The following RARB variants were observed in gnomAD, a reference collection of about 807,000 sequenced individuals.
RARB encodes HBV-activated protein.
Under a neutral mutation model 51.9 loss-of-function variants are expected in RARB, and 17 were observed. The observed-to-expected ratio is 0.33, with a 90% CI of 0.22 to 0.49. The LOEUF (loss-of-function observed/expected upper bound fraction) is 0.49, where lower values mean the gene tolerates loss of function less well. RARB is among the 20% of genes least tolerant of loss of function. The pLI is 0.99. For synonymous variants in RARB, 215 were observed against 195.4 expected, an observed-to-expected ratio of 1.10 and a Z score of -0.84; for missense variants, 369 against 550.8, an observed-to-expected ratio of 0.67 and a Z score of 3.30.
chr3:25,447,456 A>G (rs939668215), intron 1 of RARB, among the ~76,000 whole-genome samples: 7 of 152,188 alleles, frequency 4.6e-5, no homozygotes, highest in African/African-American at 1.2e-4. Flanking sequence ...TAACTTCTTT[A>G]TAAACCAGCA....
intron 5 of RARB, among the ~76,000 whole-genome samples, chr3:25,239,528 A>G (rs1239762346): frequency 6.6e-6 from 1 of 152,046 alleles, no homozygotes; most frequent in Non-Finnish European, 1.5e-5. Flanking sequence ...TGGGTGTCCA[A>G]TTTTCCCAGC....
chr3:24,927,215 T>A (rs1269880349), intron 2 of RARB, among the ~76,000 whole-genome samples: 1 of 152,130 alleles, frequency 6.6e-6, no homozygotes, highest in Non-Finnish European at 1.5e-5. Context: ...ATTACAAAAT[T>A]AGAAAAAAGT....
chr3:25,454,159 A>G (rs561362385), intron 1 of RARB, among the ~76,000 whole-genome samples: 115 of 152,296 alleles, frequency 7.6e-4, no homozygotes, highest in African/African-American at 2.6e-3. Flanking sequence ...AAATGTCTAC[A>G]CACGAGTTCA....
intron 2 of RARB, among the ~76,000 whole-genome samples, chr3:24,865,654 C>G (rs567611061): frequency 1.8e-4 from 28 of 152,182 alleles, no homozygotes; most frequent in African/African-American, 5.5e-4. Flanking sequence ...AAATGTAAAC[C>G]TAGATATATT....
chr3:25,048,841 C>T (rs750067459), intron 2 of RARB, among the ~76,000 whole-genome samples: 95 of 146,754 alleles, frequency 6.5e-4, no homozygotes, highest in Admixed American at 1.5e-3. Flanking sequence ...CTGCAAGCTC[C>T]GCCTCCCGGG....
chr3:25,245,393 T>C (rs1702534039), intron 5 of RARB, among the ~76,000 whole-genome samples: 1 of 152,188 alleles, frequency 6.6e-6, no homozygotes, highest in African/African-American at 2.4e-5. Context: ...ACTATCTTCA[T>C]AGTGTTGATG....
chr3:25,596,895 G>A lies in RARB; in HGVS notation c.*279G>A. The A allele has an allele frequency of 1.1e-5, 3 of 276,350 alleles. No homozygotes were observed. Among genetic ancestry groups the A allele is most frequent in the Non-Finnish European group, 2.0e-5 (3 of 147,038 alleles). 17.1% of individuals were successfully genotyped at this position (276,350 alleles called of 1,614,324 possible). On this transcript the variant is annotated 3_prime_UTR_variant, in exon 8 of 8. Transcript: ENST00000330688. Reference sequence around the variant, plus strand: ...CTCTTTGAACACTCAAGATTGCATGGCAAAGACCCAGTCAAAATGATTTAC... The same window carrying A: ...CTCTTTGAACACTCAAGATTGCATGACAAAGACCCAGTCAAAATGATTTAC...
chr3:25,229,786 C>T (rs73044241), intron 5 of RARB, among the ~76,000 whole-genome samples: 2 of 142,760 alleles, frequency 1.4e-5, no homozygotes, highest in Non-Finnish European at 3.0e-5. Flanking sequence ...TGTAGCCAAT[C>T]CTACCTTCGT....
At chr3:25,253,661 A>G (rs933852622) in intron 5 of RARB, among the ~76,000 whole-genome samples, 9 of 152,308 alleles carry the variant, frequency 5.9e-5, no homozygotes, top group African/African-American at 1.7e-4. Flanking sequence ...ATTAATTTCT[A>G]GAATAAATAC....
At chr3:25,543,743 G>A (rs1404033714) in intron 3 of RARB, among the ~76,000 whole-genome samples, 3 of 152,158 alleles carry the variant, frequency 2.0e-5, no homozygotes, top group East Asian at 1.9e-4. Context: ...CAACTTTGAC[G>A]AGAAGAGCAG....
At chr3:25,126,876 A>T (rs1056449263) in intron 3 of RARB, among the ~76,000 whole-genome samples, 1 of 152,148 alleles carries the variant, frequency 6.6e-6, no homozygotes, top group African/African-American at 2.4e-5. Context: ...GGCAACTAAA[A>T]GGCAAGGTAA....
At chr3:25,556,902 A>G (rs545316185) in intron 3 of RARB, among the ~76,000 whole-genome samples, 1 of 152,314 alleles carries the variant, frequency 6.6e-6, no homozygotes, top group South Asian at 2.1e-4. Flanking sequence ...GAATTTCCAT[A>G]ATGGATTGGA....
At chr3:25,392,187 T>G (rs373864151) in intron 5 of RARB, among the ~76,000 whole-genome samples, 1 of 152,214 alleles carries the variant, frequency 6.6e-6, no homozygotes, top group Non-Finnish European at 1.5e-5. Flanking sequence ...TTGTCAAAGA[T>G]CAATTGGCTG....
intron 1 of RARB, among the ~76,000 whole-genome samples, chr3:25,449,702 C>A (rs1214996841): frequency 6.6e-6 from 1 of 151,622 alleles, no homozygotes; most frequent in Non-Finnish European, 1.5e-5. Context: ...CTGGTTTCTT[C>A]TTGCCTGTCA....
At chr3:24,889,328 T>C (rs1703326959) in intron 2 of RARB, among the ~76,000 whole-genome samples, 1 of 152,190 alleles carries the variant, frequency 6.6e-6, no homozygotes, top group Admixed American at 6.5e-5. Flanking sequence ...GCTTTAAGTC[T>C]GGGTTTTCCA....
chr3:24,939,001 T>TTA, intron 2 of RARB, among the ~76,000 whole-genome samples: 1 of 152,000 alleles, frequency 6.6e-6, no homozygotes, highest in Non-Finnish European at 1.5e-5. Flanking sequence ...TTTTTTTTTT[T>TTA]AGACAGAGTC....
chr3:25,194,239 G>C (rs893779443), intron 5 of RARB, among the ~76,000 whole-genome samples: 2 of 17,420 alleles, frequency 1.1e-4, no homozygotes, highest in African/African-American at 3.9e-4. Flanking sequence ...GTGGTTACCA[G>C]GGTAGGAAGG....
At chr3:25,160,666 C>T (rs1700459751) in intron 4 of RARB, among the ~76,000 whole-genome samples, 1 of 152,194 alleles carries the variant, frequency 6.6e-6, no homozygotes, top group Non-Finnish European at 1.5e-5. Flanking sequence ...GTTGTGATAA[C>T]AAATTACTAC....
At chr3:25,401,796 A>G (rs1312316511) in intron 5 of RARB, among the ~76,000 whole-genome samples, 1 of 152,094 alleles carries the variant, frequency 6.6e-6, no homozygotes, top group South Asian at 2.1e-4. Context: ...TTTTCTTTTG[A>G]GATGGAGTCT....
Sources: allele counts gnomAD v4.1 joint callset (sites outside exome capture counted in the v4.1 genomes callset), GRCh38; gene constraint gnomAD v4.1.1; transcripts MANE v1.5; gene names NCBI Gene and HGNC (gene_info 2026-07-23, HGNC 2026-07-21).